MTR: variants seen among roughly 807,000 people sequenced by gnomAD.
MTR encodes methionine synthase.
MTR carries 84 observed loss-of-function variants against 154.8 expected under a neutral mutation model. That is an observed-to-expected ratio of 0.54 (90% confidence interval 0.45 to 0.65). The LOEUF (loss-of-function observed/expected upper bound fraction) is 0.65. Ranked by LOEUF, MTR falls within the 30% of genes least tolerant of loss-of-function variation. The pLI is 0.00. For synonymous variants in MTR, 554 were observed against 553.9 expected (o/e 1.00, Z 0.00); for missense variants, 1,275 against 1,570.2 (o/e 0.81, Z 3.18).
chr1:236,897,300 C>CCACACACA (rs1553331006), intron 32 of MTR, among the ~76,000 whole-genome samples, 182 bp downstream of exon 32: 1 of 30,714 alleles, frequency 3.3e-5, no homozygotes, highest in Non-Finnish European at 8.4e-5. Flanking sequence ...TACATGCAAG[C>CCACACACA]CACACACACG....
At chr1:236,882,884 GGTAACT>G (rs1177805459) in intron 25 of MTR, among the ~76,000 whole-genome samples, 1 of 152,218 alleles carries the variant, frequency 6.6e-6, no homozygotes, top group Admixed American at 6.5e-5. Flanking sequence ...AAATCATGTG[GGTAACT>G]GCTGGTGACA....
intron 15 of MTR, among the ~76,000 whole-genome samples, chr1:236,843,949 G>C (rs1374849425): frequency 6.6e-6 from 1 of 152,176 alleles, no homozygotes; most frequent in African/African-American, 2.4e-5. Context: ...TTGAAGATAG[G>C]ATTCCTTTTT....
intron 14 of MTR, among the ~76,000 whole-genome samples, chr1:236,836,546 T>G (rs765189875): frequency 6.6e-6 from 1 of 152,242 alleles, no homozygotes; most frequent in Non-Finnish European, 1.5e-5. Flanking sequence ...GGAAGTGATT[T>G]TTGAAGTTCT....
intron 1 of MTR, among the ~76,000 whole-genome samples, chr1:236,801,751 G>A (rs978711353): frequency 7.2e-5 from 11 of 152,148 alleles, no homozygotes; most frequent in East Asian, 5.8e-4. Flanking sequence ...ATGGGTTGGC[G>A]TCATTATGGT....
At chr1:236,882,095 G>C (rs1244742755) in intron 25 of MTR, among the ~76,000 whole-genome samples, 1 of 152,176 alleles carries the variant, frequency 6.6e-6, no homozygotes, top group Non-Finnish European at 1.5e-5. Context: ...ATTTGCCATT[G>C]ATGTAGACAA....
Position 236,835,535 on chromosome 1 carries a change from T to G in MTR, c.1189-12T>G. The G allele has an allele frequency of 6.2e-7, 1 of 1,612,676 alleles. No individual in the cohort carries two copies. The highest frequency in any genetic ancestry group is 8.5e-7 in the Non-Finnish European group (1 of 1,179,802). ...TCTCCTAATGCTGCTTCCTCTCTCA[T>G]TCTTCCTTCAGGAAGCCTTGTGTGT... On this transcript the variant is annotated splice_polypyrimidine_tract_variant and intron_variant, in intron 13 of 32. Coordinates refer to ENST00000366577, the MANE Select transcript of MTR (RefSeq NM_000254.3).
At chr1:236,857,659 T>G (rs1664282346) in intron 18 of MTR, among the ~76,000 whole-genome samples, 1 of 152,194 alleles carries the variant, frequency 6.6e-6, no homozygotes, top group Non-Finnish European at 1.5e-5. Flanking sequence ...ATCTAACTAG[T>G]AAGAGAGATG....
chr1:236,889,051 AAAC>A, intron 27 of MTR, 127 bp from the exon 28 acceptor site: 1 of 1,136,128 alleles, frequency 8.8e-7, no homozygotes, highest in African/African-American at 1.5e-5. Context: ...CCTCTTTGTA[AAAC>A]AACTCCTACG....
intron 18 of MTR, among the ~76,000 whole-genome samples, chr1:236,857,440 T>C (rs1301204601): frequency 6.6e-6 from 1 of 152,248 alleles, no homozygotes; most frequent in Non-Finnish European, 1.5e-5. Flanking sequence ...TTTAGAACTT[T>C]GAATAATGTC....
Position 236,891,220 on chromosome 1 carries a change from T to C in MTR, c.3095T>C (p.Val1032Ala). 6.2e-7 allele frequency: 1 copy of C among 1,614,060 alleles called. No individual in the cohort carries two copies. Among genetic ancestry groups the C allele is most frequent in the Non-Finnish European group, 8.5e-7 (1 of 1,180,008 alleles). ...SQKKLRARGV[V>A]GFWPAQSIQD... is the part of the protein sequence containing the mutation. ...AAGAAACTCCGGGCCCGGGGTGTGGTTGGGTTCTGGCCAGCACAGAGTATC... is the reference window on the plus strand; with the variant it reads ...AAGAAACTCCGGGCCCGGGGTGTGGCTGGGTTCTGGCCAGCACAGAGTATC... Residue 1032 changes from valine to alanine, a missense_variant, in exon 29 of 33, where the codon GTT (valine) becomes GCT (alanine). Val to Ala is a moderately conservative substitution (Grantham distance 64). Transcript: ENST00000366577.
At chr1:236,818,088 T>G (rs987908685) in intron 8 of MTR, among the ~76,000 whole-genome samples, 7 of 152,212 alleles carry the variant, frequency 4.6e-5, no homozygotes, top group African/African-American at 1.7e-4. Flanking sequence ...CTCCCTTCGC[T>G]TTCTCTTTTC....
intron 15 of MTR, among the ~76,000 whole-genome samples, chr1:236,847,918 TG>T (rs1175761384): frequency 1.3e-5 from 2 of 152,232 alleles, no homozygotes; most frequent in Admixed American, 1.3e-4. Context: ...TTAGTGTGTC[TG>T]TCCCACAGCC....
chr1:236,806,525 G>A (rs533083283), intron 3 of MTR, among the ~76,000 whole-genome samples: 1 of 152,208 alleles, frequency 6.6e-6, no homozygotes, highest in Non-Finnish European at 1.5e-5. Context: ...ACACAGTATT[G>A]TGAGGCCTTT....
At chr1:236,807,366 G>T (rs1036623851) in intron 3 of MTR, among the ~76,000 whole-genome samples, 2 of 152,094 alleles carry the variant, frequency 1.3e-5, no homozygotes, top group Non-Finnish European at 2.9e-5. Flanking sequence ...TAGAGACAGG[G>T]TTTTGCCATG....
Position 236,901,352 on chromosome 1 carries a change from G to A in MTR, c.*3708G>A, listed in dbSNP as rs1342139009. On this transcript the variant is annotated 3_prime_UTR_variant, in exon 33 of 33. Transcript: ENST00000366577. ...CATTTAAAGAAGATTGGAGGGAAAGGTAGGATTGAGAGTGTTTCAGACAGA... is the reference window on the plus strand; with the variant it reads ...CATTTAAAGAAGATTGGAGGGAAAGATAGGATTGAGAGTGTTTCAGACAGA... The A allele has an allele frequency of 2.0e-5, 3 of 152,428 alleles. No individual in the cohort carries two copies. The East Asian group carries it at 5.8e-4, about 29-fold the overall frequency. The allele number at this position is 152,428 out of a possible 1,614,324, so 9.4% of individuals were successfully genotyped here.
chr1:236,830,185 A>T (rs904248203), intron 12 of MTR, among the ~76,000 whole-genome samples: 8 of 148,624 alleles, frequency 5.4e-5, no homozygotes, highest in African/African-American at 2.0e-4. Flanking sequence ...CTAGCCCTTT[A>T]TTTTTTTTTT....
intron 18 of MTR, among the ~76,000 whole-genome samples, chr1:236,859,289 C>T (rs10925253): frequency 0.042 from 6,321 of 152,274 alleles, 408 homozygotes; most frequent in East Asian, 0.2. Flanking sequence ...TTAATCCAGC[C>T]GTCATAAATT....
chr1:236,862,163 A>C, intron 20 of MTR, 73 bp from the exon 21 acceptor site: 1 of 1,285,944 alleles, frequency 7.8e-7, no homozygotes, highest in East Asian at 2.3e-5. Flanking sequence ...TGTGTGCCCA[A>C]ATTTCACAAG....
chr1:236,798,383 C>T (rs567815300), intron 1 of MTR, among the ~76,000 whole-genome samples: 4 of 152,348 alleles, frequency 2.6e-5, no homozygotes, highest in Middle Eastern at 3.4e-3. Context: ...GTCTACCCCC[C>T]TCCAAATCTG....
Sources: gnomAD v4.1 joint callset for allele counts (sites outside exome capture counted in the v4.1 genomes callset) on GRCh38, gnomAD v4.1.1 for gene constraint, MANE v1.5 for transcripts, NCBI Gene and HGNC (gene_info 2026-07-23, HGNC 2026-07-21) for gene names.